The following RERE variants were observed in gnomAD, a reference collection of about 807,000 sequenced individuals.
RERE encodes the protein arginine-glutamic acid dipeptide repeats.
A neutral mutation model predicts 146.1 loss-of-function variants in RERE; 40 were observed. That is an observed-to-expected ratio of 0.27 (90% CI 0.21 to 0.36). The LOEUF (loss-of-function observed/expected upper bound fraction) is 0.36. RERE is among the 10% of genes least tolerant of loss of function. RERE has a pLI of 1.00. For missense variants in RERE, 1,933 were observed against 2,138.7 expected, an observed-to-expected ratio of 0.90 and a Z score of 1.90; for synonymous variants, 1,003 against 866.0, an observed-to-expected ratio of 1.16 and a Z score of -2.78.
intron 1 of RERE, among the ~76,000 whole-genome samples, chr1:8,668,528 T>C (rs543932211): frequency 1.3e-5 from 2 of 152,274 alleles, no homozygotes; most frequent in African/African-American, 4.8e-5. Context: ...TCCCAAAGCA[T>C]GGCTGTAAAC....
rs115763100 is a variant in RERE, at chr1:8,621,025, A to G, written c.396+3285T>C. On this transcript the variant is annotated intron_variant, in intron 3 of 22. Transcript: ENST00000400908. ...CTGTGGAAGTGTGGGCTCGAAATAC[A>G]CCTACCAGTGTAGGACGGTGGTGTC... is the stretch of plus-strand genomic sequence containing the variant. Among the ~76,000 whole-genome samples, 498 of 151,964 alleles carry G rather than the reference A, an allele frequency of 3.3e-3. 5 individuals are homozygous for G. The highest frequency in any genetic ancestry group is 0.011 in the African/African-American group (466 of 41,416).
chr1:8,439,682 T>G (rs999248298), intron 11 of RERE, among the ~76,000 whole-genome samples: 2 of 152,218 alleles, frequency 1.3e-5, no homozygotes, highest in African/African-American at 2.4e-5. Context: ...GTGGATTCCC[T>G]GATACTTGAC....
At chr1:8,537,072 C>T (rs1466074316) in intron 7 of RERE, among the ~76,000 whole-genome samples, 3 of 152,138 alleles carry the variant, frequency 2.0e-5, no homozygotes, top group East Asian at 1.9e-4. Flanking sequence ...GGGATGATGG[C>T]GCACACCTGC....
At chr1:8,553,398 A>G (rs1645963888) in intron 6 of RERE, among the ~76,000 whole-genome samples, 2 of 151,278 alleles carry the variant, frequency 1.3e-5, no homozygotes, top group Admixed American at 1.3e-4. Context: ...GCGCGTCCAC[A>G]TGCACGAGAC....
chr1:8,381,718 G>A (rs1036327839), intron 12 of RERE, among the ~76,000 whole-genome samples: 4 of 152,178 alleles, frequency 2.6e-5, no homozygotes, highest in African/African-American at 7.2e-5. Flanking sequence ...CCCCAGCCCC[G>A]GGGACGCGCC....
intron 10 of RERE, among the ~76,000 whole-genome samples, chr1:8,469,099 G>A (rs952357989): frequency 6.6e-6 from 1 of 151,602 alleles, no homozygotes; most frequent in Non-Finnish European, 1.5e-5. Context: ...ACCTCTTAGC[G>A]ACATGTGAGG....
chr1:8,609,140 C>T (rs1261625955), intron 4 of RERE, among the ~76,000 whole-genome samples: 2 of 152,018 alleles, frequency 1.3e-5, no homozygotes, highest in Non-Finnish European at 2.9e-5. Context: ...ACTGCTTGAA[C>T]CCGGGAGGCG....
chr1:8,783,055 C>T (rs558958059), intron 1 of RERE, among the ~76,000 whole-genome samples: 10 of 152,244 alleles, frequency 6.6e-5, no homozygotes, highest in African/African-American at 2.4e-4. Context: ...CATCAGAGAC[C>T]AGGCATGGTG....
In RERE at chr1:8,550,305, T is replaced by C. The variant is rs543314085; in HGVS notation, c.725+6170A>G. 3.3e-5 allele frequency among the ~76,000 whole-genome samples: 5 copies of C among 152,242 alleles called. No homozygotes were observed. In the East Asian group the frequency reaches 9.6e-4, roughly 29 times the overall value. Reference sequence around the variant, plus strand: ...CATCTACTAGTAGATTAATAAAAAGTGTTAAATGATGAATGAATAAATAAA... The same window carrying C: ...CATCTACTAGTAGATTAATAAAAAGCGTTAAATGATGAATGAATAAATAAA... On this transcript the variant is annotated intron_variant, in intron 6 of 22. Transcript: ENST00000400908.
intron 1 of RERE, among the ~76,000 whole-genome samples, chr1:8,747,064 C>A (rs968482206): frequency 1.3e-5 from 2 of 151,830 alleles, no homozygotes; most frequent in East Asian, 1.9e-4. Flanking sequence ...CAGGCTGGAG[C>A]GATCTTGGCT....
At chr1:8,461,087 A>G (rs376695945) in intron 11 of RERE, among the ~76,000 whole-genome samples, 2 of 152,106 alleles carry the variant, frequency 1.3e-5, no homozygotes, top group South Asian at 2.1e-4. Context: ...ATAACCACCC[A>G]AGCATGGAAG....
In RERE at chr1:8,656,269, T is replaced by A; in HGVS notation, c.29A>T (p.Asp10Val). 6.2e-7 allele frequency: 1 copy of A among 1,608,438 alleles called. No homozygotes were observed. The highest frequency in any genetic ancestry group is 8.5e-7 in the Non-Finnish European group (1 of 1,177,150). ...GTCTCGGTCCCGGTCCTTCTCTTTGTCTTTGTCTTTGTCTTTGTCCGCTGT... is the reference window on the plus strand; with the variant it reads ...GTCTCGGTCCCGGTCCTTCTCTTTGACTTTGTCTTTGTCTTTGTCCGCTGT... MTADKDKDK[D>V]KEKDRDRDRD... is the part of the protein sequence containing the mutation. The change falls in exon 2 of 23, where the codon GAC becomes GTC. Residue 10 changes from aspartate to valine, a missense_variant. By Grantham distance (152) the Asp-to-Val change is radical. Transcript: ENST00000400908.
At chr1:8,592,476 T>C (rs1008177712) in intron 4 of RERE, among the ~76,000 whole-genome samples, 1 of 152,088 alleles carries the variant, frequency 6.6e-6, no homozygotes, top group South Asian at 2.1e-4. Context: ...TTCACCACGT[T>C]GCCCAGGCTT....
chr1:8,382,506 A>G (rs1642492285), intron 12 of RERE, among the ~76,000 whole-genome samples: 1 of 152,242 alleles, frequency 6.6e-6, no homozygotes, highest in South Asian at 2.1e-4. Context: ...CAATGAACAA[A>G]CATTGACTGT....
intron 11 of RERE, among the ~76,000 whole-genome samples, chr1:8,445,082 G>C (rs1038193593): frequency 6.6e-6 from 1 of 152,138 alleles, no homozygotes; most frequent in Non-Finnish European, 1.5e-5. Flanking sequence ...ATTTGGGAGT[G>C]GGTATGCGCT....
At chr1:8,556,690 C>T in intron 5 of RERE, 119 bp from the exon 6 acceptor site, 2 of 638,018 alleles carry the variant, frequency 3.1e-6, no homozygotes, top group South Asian at 1.8e-5. Flanking sequence ...TGGTTAGCAT[C>T]GTTAAGTATG....
intron 12 of RERE, among the ~76,000 whole-genome samples, chr1:8,419,974 A>C (rs1643879257): frequency 1.3e-5 from 2 of 152,204 alleles, no homozygotes; most frequent in Non-Finnish European, 2.9e-5. Context: ...CTTTCCAATG[A>C]ACAGCTCAAG....
chr1:8,401,664 G>GT (rs1271764528), intron 12 of RERE, among the ~76,000 whole-genome samples: 1 of 151,768 alleles, frequency 6.6e-6, no homozygotes, highest in Non-Finnish European at 1.5e-5. Context: ...GGAGGCTGAG[G>GT]TGGGAGGACT....
chr1:8,810,721 G>C (rs547467940), intron 1 of RERE, among the ~76,000 whole-genome samples: 1 of 152,160 alleles, frequency 6.6e-6, no homozygotes, highest in Non-Finnish European at 1.5e-5. Flanking sequence ...GAAAGAAACA[G>C]GTATTCTTTG....
Sources: gnomAD v4.1 joint callset for allele counts (sites outside exome capture counted in the v4.1 genomes callset) on GRCh38, gnomAD v4.1.1 for gene constraint, MANE v1.5 for transcripts, NCBI Gene and HGNC (gene_info 2026-07-23, HGNC 2026-07-21) for gene names.